Variants in EYS observed in about 807,000 individuals in gnomAD.
EYS encodes the protein EGF-like photoreceptor maintenance factor.
A neutral mutation model predicts 282.1 loss-of-function variants in EYS; 250 were observed. The ratio of observed to expected loss-of-function variants is 0.89; its 90% CI spans 0.80 to 0.98. The LOEUF is 0.98. Among genes scored for constraint, EYS ranks in the 50% least tolerant of loss-of-function variants. The pLI is 0.00. For synonymous variants in EYS, 1,355 were observed against 1,282.9 expected (o/e 1.06, Z -1.20); for missense variants, 4,016 against 3,709.0 (o/e 1.08, Z -2.15).
At chr6:64,145,659 G>T (rs1225491634) in intron 31 of EYS, among the ~76,000 whole-genome samples, 1 of 151,902 alleles carries the variant, frequency 6.6e-6, no homozygotes, top group Non-Finnish European at 1.5e-5. Flanking sequence ...CTTTACTCTT[G>T]TAAGAAAGTT....
At chr6:64,163,584 G>GA (rs145024912) in intron 31 of EYS, among the ~76,000 whole-genome samples, 9,156 of 151,954 alleles carry the variant, frequency 0.06, 907 homozygotes, top group African/African-American at 0.21. Context: ...GAGGTTTTGA[G>GA]AAAAAAATAA....
intron 12 of EYS, among the ~76,000 whole-genome samples, chr6:65,164,509 A>C (rs1446810024): frequency 1.3e-4 from 20 of 150,792 alleles, no homozygotes; most frequent in Non-Finnish European, 8.9e-5. Flanking sequence ...ACCTCTCTTG[A>C]CTTCTGATTT....
At chr6:63,972,337 T>C (rs1381559727) in intron 35 of EYS, among the ~76,000 whole-genome samples, 1 of 152,152 alleles carries the variant, frequency 6.6e-6, no homozygotes, top group East Asian at 1.9e-4. Flanking sequence ...TCCAGTCTAG[T>C]TTAATTCCCC....
At chr6:64,476,458 C>A (rs1776268381) in intron 26 of EYS, among the ~76,000 whole-genome samples, 1 of 152,054 alleles carries the variant, frequency 6.6e-6, no homozygotes, top group African/African-American at 2.4e-5. Flanking sequence ...ATAGTACAAA[C>A]TCTCCCCAGA....
At chr6:65,372,843 T>A (rs558809380) in intron 8 of EYS, among the ~76,000 whole-genome samples, 2 of 152,200 alleles carry the variant, frequency 1.3e-5, no homozygotes, top group Non-Finnish European at 2.9e-5. Flanking sequence ...TTAATAAGGT[T>A]CTGACCTACA....
At chr6:65,271,009 C>A (rs2150265816) in intron 12 of EYS, among the ~76,000 whole-genome samples, 1 of 151,338 alleles carries the variant, frequency 6.6e-6, no homozygotes, top group South Asian at 2.1e-4. Context: ...CTTTCAGCTT[C>A]TATCCATTAT....
intron 31 of EYS, among the ~76,000 whole-genome samples, chr6:64,154,906 C>T (rs1472842327): frequency 6.6e-6 from 1 of 152,036 alleles, no homozygotes; most frequent in Non-Finnish European, 1.5e-5. Context: ...TATTATAACT[C>T]CAGGTGAATT....
intron 32 of EYS, among the ~76,000 whole-genome samples, chr6:64,081,303 A>G (rs1343276916): frequency 1.3e-5 from 2 of 152,208 alleles, no homozygotes; most frequent in East Asian, 1.9e-4. Flanking sequence ...AGAAGCCCAT[A>G]CATTCTGCTT....
At chr6:64,958,817 CATTTTAT>C (rs1225123691) in intron 14 of EYS, among the ~76,000 whole-genome samples, 4 of 142,320 alleles carry the variant, frequency 2.8e-5, no homozygotes, top group Admixed American at 2.1e-4. Context: ...TGTTTCTTTA[CATTTTAT>C]ATTTCATAAA....
At chr6:64,219,437 T>C (rs765124131) in intron 31 of EYS, among the ~76,000 whole-genome samples, 3 of 152,206 alleles carry the variant, frequency 2.0e-5, no homozygotes, top group Non-Finnish European at 4.4e-5. Flanking sequence ...AGTCAGGTCA[T>C]TTAATAACTG....
At chr6:64,180,830 G>C (rs1054752985) in intron 31 of EYS, among the ~76,000 whole-genome samples, 4 of 152,098 alleles carry the variant, frequency 2.6e-5, no homozygotes, top group African/African-American at 4.8e-5. Context: ...TTTTAGATTT[G>C]AGGATACATA....
chr6:63,847,703 T>C (rs1250259961), intron 36 of EYS, among the ~76,000 whole-genome samples: 1 of 152,232 alleles, frequency 6.6e-6, no homozygotes, highest in East Asian at 1.9e-4. Context: ...GCTCTCTACT[T>C]TGGAATTTTC....
At chr6:65,605,543 T>C (rs1164397828) in intron 2 of EYS, among the ~76,000 whole-genome samples, 3 of 151,928 alleles carry the variant, frequency 2.0e-5, no homozygotes, top group African/African-American at 7.2e-5. Flanking sequence ...GCAATTCAAA[T>C]TTTAGAAATG....
At chr6:64,499,254 T>C (rs1776971499) in intron 26 of EYS, among the ~76,000 whole-genome samples, 1 of 152,176 alleles carries the variant, frequency 6.6e-6, no homozygotes, top group Non-Finnish European at 1.5e-5. Context: ...TAACTTTATT[T>C]CCCAAAACTC....
Position 64,085,194 on chromosome 6 carries a change from T to A in EYS, c.6425-3192A>T, listed in dbSNP as rs114026049. On this transcript the variant is annotated intron_variant, in intron 31 of 42. Coordinates refer to ENST00000503581, the MANE Select transcript of EYS (RefSeq NM_001142800.2). ...GTTTTCGCTATGTTGGCCAGGCTGG[T>A]TGGGCTCCTGACCCCAAGTGATCCA... 3.5e-3 allele frequency among the ~76,000 whole-genome samples: 535 copies of A among 152,122 alleles called. 4 individuals are homozygous for A. Among genetic ancestry groups the A allele is most frequent in the African/African-American group, 0.012 (484 of 41,492 alleles).
intron 12 of EYS, among the ~76,000 whole-genome samples, chr6:65,276,453 C>A (rs1257616465): frequency 6.6e-6 from 1 of 151,816 alleles, no homozygotes; most frequent in Non-Finnish European, 1.5e-5. Context: ...AAGACTGCCA[C>A]TGGGTCACTT....
chr6:65,268,427 A>G (rs970901260), intron 12 of EYS, among the ~76,000 whole-genome samples: 1 of 152,116 alleles, frequency 6.6e-6, no homozygotes, highest in East Asian at 1.9e-4. Flanking sequence ...AACAATAGTT[A>G]TGATGTTTAG....
rs1554142131 is a variant in EYS, at chr6:64,310,078, A to AAAAAAC, written c.6079-2997_6079-2996insGTTTTT. Among the ~76,000 whole-genome samples, 520 of 145,168 alleles carry AAAAAAC rather than the reference A, an allele frequency of 3.6e-3. 2 individuals carry two copies. The highest frequency in any genetic ancestry group is 0.013 in the African/African-American group (502 of 38,614). Reference sequence around the variant, plus strand: ...TTAAAAGTAAAAAAAATAAAAAAAAAAATAACAGATGCTGGCAAGATTGTG... The same window carrying AAAAAAC: ...TTAAAAGTAAAAAAAATAAAAAAAAAAAAAACAATAACAGATGCTGGCAAGATTGTG... On this transcript the variant is annotated intron_variant, in intron 29 of 42. Coordinates refer to ENST00000503581, the MANE Select transcript of EYS (RefSeq NM_001142800.2).
chr6:64,065,074 CTTCA>C (rs927128375), intron 33 of EYS, among the ~76,000 whole-genome samples: 2 of 152,162 alleles, frequency 1.3e-5, no homozygotes, highest in Admixed American at 6.5e-5. Flanking sequence ...ACCCTCATTT[CTTCA>C]TTCATTCAGA....
Sources: allele counts gnomAD v4.1 joint callset (sites outside exome capture counted in the v4.1 genomes callset), GRCh38; gene constraint gnomAD v4.1.1; transcripts MANE v1.5; gene names NCBI Gene and HGNC (gene_info 2026-07-23, HGNC 2026-07-21).